CNTNAP2: variants seen among roughly 807,000 people sequenced by gnomAD.
CNTNAP2 encodes contactin associated protein 2.
Under a neutral mutation model 155.2 loss-of-function variants are expected in CNTNAP2, and 98 were observed. The ratio of observed to expected loss-of-function variants is 0.63; its 90% CI spans 0.54 to 0.75. The LOEUF (loss-of-function observed/expected upper bound fraction) is 0.75. Among genes scored for constraint, CNTNAP2 ranks in the 30% least tolerant of loss-of-function variants. The pLI is 0.00. For synonymous variants in CNTNAP2, 651 were observed against 631.2 expected, an observed-to-expected ratio of 1.03 and a Z score of -0.47; for missense variants, 1,727 against 1,688.1, an observed-to-expected ratio of 1.02 and a Z score of -0.40.
intron 1 of CNTNAP2, among the ~76,000 whole-genome samples, chr7:146,146,098 A>G (rs899067457): frequency 6.6e-6 from 1 of 152,178 alleles, no homozygotes; most frequent in Admixed American, 6.6e-5. Flanking sequence ...CTAAACCCCA[A>G]TCAGTTGAAA....
At chr7:147,820,226 G>C (rs1322604483) in intron 13 of CNTNAP2, among the ~76,000 whole-genome samples, 1 of 151,918 alleles carries the variant, frequency 6.6e-6, no homozygotes, top group Non-Finnish European at 1.5e-5. Flanking sequence ...TGTCATTATG[G>C]TTTTAATTTG....
At chr7:146,635,483 G>C (rs1799581998) in intron 1 of CNTNAP2, among the ~76,000 whole-genome samples, 1 of 152,192 alleles carries the variant, frequency 6.6e-6, no homozygotes, top group Non-Finnish European at 1.5e-5. Flanking sequence ...GTAGAGAAGA[G>C]GAGGTGGGGT....
At chr7:146,709,374 C>T (rs535595084) in intron 1 of CNTNAP2, among the ~76,000 whole-genome samples, 12 of 151,998 alleles carry the variant, frequency 7.9e-5, no homozygotes, top group Admixed American at 6.6e-5. Context: ...AGTGCTGATA[C>T]GAGAAACCTA....
At chr7:146,843,044 C>T (rs1356523743) in intron 3 of CNTNAP2, among the ~76,000 whole-genome samples, 3 of 90,604 alleles carry the variant, frequency 3.3e-5, no homozygotes, top group Non-Finnish European at 5.9e-5. Context: ...CTCGCTCTGT[C>T]GCCCAGGCCG....
chr7:147,536,857 T>C (rs1386725771), intron 11 of CNTNAP2, among the ~76,000 whole-genome samples: 1 of 152,152 alleles, frequency 6.6e-6, no homozygotes. Context: ...CTTCAAATAA[T>C]GTGTTTAACC....
intron 8 of CNTNAP2, among the ~76,000 whole-genome samples, chr7:147,151,286 A>G (rs773188515): frequency 6.6e-6 from 1 of 152,176 alleles, no homozygotes; most frequent in Non-Finnish European, 1.5e-5. Flanking sequence ...AGCCAGGGAA[A>G]ATGTTAAGTA....
chr7:147,688,603 G>T (rs116352151), intron 13 of CNTNAP2, among the ~76,000 whole-genome samples: 12 of 152,200 alleles, frequency 7.9e-5, no homozygotes, highest in African/African-American at 2.9e-4. Flanking sequence ...TTCTCCTACA[G>T]ATGGAAATGG....
intron 5 of CNTNAP2, among the ~76,000 whole-genome samples, chr7:147,110,735 A>G (rs999280078): frequency 1.6e-4 from 24 of 152,316 alleles, no homozygotes; most frequent in African/African-American, 5.1e-4. Flanking sequence ...GTAGTATTCC[A>G]TGGTGTATAT....
intron 10 of CNTNAP2, among the ~76,000 whole-genome samples, chr7:147,408,063 G>T (rs1797039499): frequency 6.6e-6 from 1 of 152,154 alleles, no homozygotes. Context: ...ATGTTTCATT[G>T]ATTGCATACC....
intron 12 of CNTNAP2, among the ~76,000 whole-genome samples, chr7:147,607,102 C>T (rs1047888148): frequency 6.6e-6 from 1 of 152,136 alleles, no homozygotes; most frequent in East Asian, 1.9e-4. Flanking sequence ...AGTGATCTGT[C>T]GGACTGTGTT....
At chr7:147,221,506 G>A (rs945085908) in intron 8 of CNTNAP2, among the ~76,000 whole-genome samples, 7 of 152,124 alleles carry the variant, frequency 4.6e-5, no homozygotes, top group African/African-American at 1.7e-4. Flanking sequence ...TGCTGTCTCA[G>A]GTGCCCAAGC....
At chr7:147,589,647 T>C (rs1250074676) in intron 12 of CNTNAP2, among the ~76,000 whole-genome samples, 1 of 152,182 alleles carries the variant, frequency 6.6e-6, no homozygotes, top group Non-Finnish European at 1.5e-5. Flanking sequence ...CTCATCCATA[T>C]TGTTGTATAT....
chr7:146,524,049 C>T (rs925054005), intron 1 of CNTNAP2, among the ~76,000 whole-genome samples: 10 of 152,098 alleles, frequency 6.6e-5, no homozygotes, highest in African/African-American at 2.4e-4. Flanking sequence ...TAATCAATAT[C>T]CCAGGGCATA....
chr7:148,180,035 A>G (rs1457660366), intron 18 of CNTNAP2, among the ~76,000 whole-genome samples: 1 of 152,238 alleles, frequency 6.6e-6, no homozygotes, highest in African/African-American at 2.4e-5. Flanking sequence ...ATTAATTAAT[A>G]CAAAATATAT....
chr7:148,265,441 T>G (rs745654671), intron 20 of CNTNAP2, among the ~76,000 whole-genome samples: 2 of 152,126 alleles, frequency 1.3e-5, no homozygotes, highest in Non-Finnish European at 2.9e-5. Flanking sequence ...ACCCAGCTAC[T>G]TTTTAAAATT....
In CNTNAP2 at chr7:146,329,862, C is replaced by A. The variant is rs1353826433; in HGVS notation, c.97+212889C>A. 1.2e-4 allele frequency among the ~76,000 whole-genome samples: 19 copies of A among 152,182 alleles called. No individual in the cohort carries two copies. In the East Asian group the frequency reaches 3.3e-3, roughly 26 times the overall value. Reference sequence around the variant, plus strand: ...CCTGCTCAAGCATTATATAACGAGTCTTCACTACCTACTGCATCAAAGTGT... The same window carrying A: ...CCTGCTCAAGCATTATATAACGAGTATTCACTACCTACTGCATCAAAGTGT... On this transcript the variant is annotated intron_variant, in intron 1 of 23. Coordinates refer to ENST00000361727, the MANE Select transcript of CNTNAP2 (RefSeq NM_014141.6).
chr7:147,115,529 T>G (rs1162339127), intron 5 of CNTNAP2, among the ~76,000 whole-genome samples: 1 of 152,256 alleles, frequency 6.6e-6, no homozygotes, highest in Non-Finnish European at 1.5e-5. Context: ...TTCATTCTTT[T>G]TTCTCTATTC....
intron 1 of CNTNAP2, among the ~76,000 whole-genome samples, chr7:146,419,582 T>TA (rs1404852361): frequency 6.6e-6 from 1 of 152,048 alleles, no homozygotes; most frequent in Non-Finnish European, 1.5e-5. Flanking sequence ...ATTCTTTAAT[T>TA]AAAAAAATTC....
chr7:147,719,866 G>T (rs1007905223), intron 13 of CNTNAP2, among the ~76,000 whole-genome samples: 9 of 151,898 alleles, frequency 5.9e-5, no homozygotes, highest in Non-Finnish European at 5.9e-5. Flanking sequence ...AACAGACAAG[G>T]TTTTATTTTC....
Sources: gnomAD v4.1 joint callset for allele counts (sites outside exome capture counted in the v4.1 genomes callset) on GRCh38, gnomAD v4.1.1 for gene constraint, MANE v1.5 for transcripts, NCBI Gene and HGNC (gene_info 2026-07-23, HGNC 2026-07-21) for gene names.